The following PAPPA2 variants were observed in gnomAD, a reference collection of about 807,000 sequenced individuals.
PAPPA2 encodes the protein pappalysin-2.
PAPPA2 carries 86 observed loss-of-function variants against 176.4 expected under a neutral mutation model. The ratio of observed to expected loss-of-function variants is 0.49; its 90% CI spans 0.41 to 0.58. The LOEUF (loss-of-function observed/expected upper bound fraction) is 0.58, where lower values mean the gene tolerates loss of function less well. Ranked by LOEUF, PAPPA2 falls within the 20% of genes least tolerant of loss-of-function variation. PAPPA2 has a pLI of 0.00. For synonymous variants in PAPPA2, 809 were observed against 852.2 expected (o/e 0.95, Z 0.88); for missense variants, 2,073 against 2,256.9 (o/e 0.92, Z 1.65).
chr1:176,603,377 G>A (rs1256558206), intron 3 of PAPPA2, among the ~76,000 whole-genome samples: 2 of 152,172 alleles, frequency 1.3e-5, no homozygotes, highest in African/African-American at 2.4e-5. Context: ...CTTGTTGGTA[G>A]GTCTTCCCCT....
At chr1:176,826,037 T>C (rs1406581167) in intron 21 of PAPPA2, among the ~76,000 whole-genome samples, 1 of 152,214 alleles carries the variant, frequency 6.6e-6, no homozygotes, top group African/African-American at 2.4e-5. Context: ...ATCCTTGTTT[T>C]ACTGATGAGG....
chr1:176,617,462 C>T (rs1432618477), intron 3 of PAPPA2, among the ~76,000 whole-genome samples: 1 of 152,088 alleles, frequency 6.6e-6, no homozygotes, highest in African/African-American at 2.4e-5. Context: ...TTTTATTTCT[C>T]ACCCCCTGAG....
intron 3 of PAPPA2, among the ~76,000 whole-genome samples, chr1:176,643,567 A>G (rs1455541892): frequency 6.6e-6 from 1 of 151,800 alleles, no homozygotes; most frequent in African/African-American, 2.4e-5. Context: ...GTATACACAG[A>G]GGCCTTTCAG....
At chr1:176,614,723 A>T (rs540529880) in intron 3 of PAPPA2, among the ~76,000 whole-genome samples, 38 of 152,234 alleles carry the variant, frequency 2.5e-4, no homozygotes, top group African/African-American at 8.9e-4. Context: ...ACATTTTTAC[A>T]AGCTGGTAAA....
At chr1:176,615,020 A>G (rs1655126906) in intron 3 of PAPPA2, among the ~76,000 whole-genome samples, 1 of 152,198 alleles carries the variant, frequency 6.6e-6, no homozygotes, top group Non-Finnish European at 1.5e-5. Context: ...ACAACTTCTG[A>G]TAAGTATGGA....
At chr1:176,668,763 C>A (rs1416015078) in intron 3 of PAPPA2, among the ~76,000 whole-genome samples, 3 of 152,078 alleles carry the variant, frequency 2.0e-5, no homozygotes, top group Admixed American at 1.3e-4. Context: ...CTCTTTCTAG[C>A]TTTTTAAAAT....
chr1:176,534,992 C>T (rs1649994986), intron 1 of PAPPA2, among the ~76,000 whole-genome samples: 1 of 152,086 alleles, frequency 6.6e-6, no homozygotes, highest in South Asian at 2.1e-4. Context: ...TCCCTGTGTT[C>T]CTTGTGCTCT....
At chr1:176,487,679 C>T (rs1365814460) in intron 1 of PAPPA2, among the ~76,000 whole-genome samples, 1 of 149,444 alleles carries the variant, frequency 6.7e-6, no homozygotes, top group Non-Finnish European at 1.5e-5. Context: ...GTGACTATTA[C>T]AAGGGCCTGG....
chr1:176,548,188 A>T (rs938502846), intron 1 of PAPPA2, among the ~76,000 whole-genome samples: 1 of 152,182 alleles, frequency 6.6e-6, no homozygotes, highest in Admixed American at 6.5e-5. Flanking sequence ...AAAACATAAC[A>T]TGTATTTATC....
intron 21 of PAPPA2, among the ~76,000 whole-genome samples, chr1:176,837,497 A>C (rs1215439423): frequency 6.7e-6 from 1 of 150,136 alleles, no homozygotes; most frequent in African/African-American, 2.5e-5. Flanking sequence ...AAAAAAAAAA[A>C]AACGGGTGTT....
At chr1:176,675,042 G>A (rs999741700) in intron 4 of PAPPA2, among the ~76,000 whole-genome samples, 2 of 151,564 alleles carry the variant, frequency 1.3e-5, no homozygotes, top group Non-Finnish European at 2.9e-5. Flanking sequence ...CTTTGTTTTT[G>A]TTGCATTTGC....
chr1:176,714,521 T>A (rs1019741370), intron 12 of PAPPA2, among the ~76,000 whole-genome samples: 4 of 151,994 alleles, frequency 2.6e-5, no homozygotes, highest in Non-Finnish European at 4.4e-5. Context: ...ACTACTTGGG[T>A]ACACCTCTCC....
chr1:176,499,372 A>T (rs534598162), intron 1 of PAPPA2, among the ~76,000 whole-genome samples: 1 of 152,320 alleles, frequency 6.6e-6, no homozygotes, highest in African/African-American at 2.4e-5. Context: ...TAATTGCCTT[A>T]ATCTTTGCAT....
At chr1:176,814,886 A>T (rs906594570) in intron 21 of PAPPA2, among the ~76,000 whole-genome samples, 2 of 152,096 alleles carry the variant, frequency 1.3e-5, no homozygotes, top group South Asian at 4.1e-4. Context: ...ATGCTTCCAG[A>T]TTTTGCCCAT....
chr1:176,677,567 A>G (rs757556375), intron 4 of PAPPA2, among the ~76,000 whole-genome samples: 1 of 152,186 alleles, frequency 6.6e-6, no homozygotes, highest in Non-Finnish European at 1.5e-5. Flanking sequence ...ATGGTAAACA[A>G]TGCCTGAATT....
chr1:176,840,203 A>C lies in PAPPA2; in HGVS notation c.5233A>C (p.Ile1745Leu). ...CCAAGCAGATGGTTGGTGTGACACTATCAACAACCGAGCCTACTGCCACTA... is the reference window on the plus strand; with the variant it reads ...CCAAGCAGATGGTTGGTGTGACACTCTCAACAACCGAGCCTACTGCCACTA... ...PFQADGWCDTINNRAYCHYDG... is the reference protein window; with the variant it reads ...PFQADGWCDTLNNRAYCHYDG... Residue 1745 changes from isoleucine (I) to leucine (L), a missense_variant, in exon 22 of 23, where the codon ATC becomes CTC. This residue lies in a region of PAPPA2 where 846 missense variants were observed against 857.9 expected (regional missense o/e 0.99). Transcript: ENST00000367662. 6.2e-7 allele frequency: 1 copy of C among 1,613,476 alleles called. No homozygotes were observed. The highest frequency in any genetic ancestry group is 8.5e-7 in the Non-Finnish European group (1 of 1,179,614).
chr1:176,550,779 G>GC (rs1325831598), intron 1 of PAPPA2, among the ~76,000 whole-genome samples: 1 of 152,156 alleles, frequency 6.6e-6, no homozygotes, highest in African/African-American at 2.4e-5. Flanking sequence ...GCTTGTCTTG[G>GC]CTCAAAACGC....
rs559593375 is a variant in PAPPA2 at position 176,796,551 on chromosome 1, G to A, written c.5130+2882G>A. On this transcript the variant is annotated intron_variant, in intron 20 of 22. Coordinates refer to ENST00000367662, the MANE Select transcript of PAPPA2 (RefSeq NM_020318.3). ...ATTTAACCAGGCAACGGCCTTCATG[G>A]TGACTTATGACCATCCTAGTAACCT... is the stretch of plus-strand genomic sequence containing the variant. Among the ~76,000 whole-genome samples, 8 of 152,150 alleles carry A rather than the reference G, an allele frequency of 5.3e-5. No individual in the cohort carries two copies. The South Asian group carries it at 1.7e-3, about 32-fold the overall frequency.
chr1:176,824,943 G>C (rs574190005), intron 21 of PAPPA2, among the ~76,000 whole-genome samples: 2 of 152,308 alleles, frequency 1.3e-5, no homozygotes, highest in African/African-American at 4.8e-5. Context: ...CTACAGCTAA[G>C]ACTGGAGTGC....
Sources: allele counts gnomAD v4.1 joint callset (sites outside exome capture counted in the v4.1 genomes callset), GRCh38; gene constraint gnomAD v4.1.1; regional missense constraint gnomAD v4.1.1; transcripts MANE v1.5; gene names NCBI Gene and HGNC (gene_info 2026-07-23, HGNC 2026-07-21).